Variants in BCL2 observed in about 807,000 individuals in gnomAD.
BCL2 encodes the protein BCL2 apoptosis regulator.
A neutral mutation model predicts 14.2 loss-of-function variants in BCL2; 1 was observed. That is an observed-to-expected ratio of 0.07 (90% confidence interval 0.02 to 0.33). The LOEUF (loss-of-function observed/expected upper bound fraction) is 0.33, where lower values mean the gene tolerates loss of function less well. Among genes scored for constraint, BCL2 ranks in the 10% least tolerant of loss-of-function variants. The pLI is 0.99. For synonymous variants in BCL2, 151 were observed against 137.2 expected (o/e 1.10, Z -0.70); for missense variants, 247 against 305.9 (o/e 0.81, Z 1.44).
At position 63,199,250 on chromosome 18, in the gene BCL2, CACAG is replaced by C. The variant is rs528928858; in HGVS notation, c.586-70495_586-70492del. ...TACACAACACATGCACACAGAAACACACAGACAAATGCACACACACAACACACAC... is the reference window on the plus strand; with the variant it reads ...TACACAACACATGCACACAGAAACACACAAATGCACACACACAACACACAC... On this transcript the variant is annotated intron_variant, in intron 2 of 2. Transcript: ENST00000333681. 1.4e-4 allele frequency among the ~76,000 whole-genome samples: 21 copies of C among 148,812 alleles called. No individual in the cohort carries two copies. The South Asian group carries it at 2.4e-3, about 17-fold the overall frequency.
chr18:63,181,000 T>C (rs1391640186), intron 2 of BCL2, among the ~76,000 whole-genome samples: 1 of 152,154 alleles, frequency 6.6e-6, no homozygotes, highest in Admixed American at 6.5e-5. Flanking sequence ...TAAAAACAAA[T>C]ATTAATGTGG....
intron 2 of BCL2, among the ~76,000 whole-genome samples, chr18:63,150,651 T>C (rs1484429762): frequency 6.6e-6 from 1 of 152,190 alleles, no homozygotes; most frequent in Non-Finnish European, 1.5e-5. Context: ...AATTAGACTC[T>C]GCTCAGCCTT....
intron 2 of BCL2, among the ~76,000 whole-genome samples, chr18:63,295,987 C>A (rs1032430776): frequency 1.3e-5 from 2 of 152,150 alleles, no homozygotes; most frequent in Non-Finnish European, 2.9e-5. Flanking sequence ...CTCACCCTGA[C>A]CCTGCCCTTC....
At chr18:63,203,139 C>A (rs770653029) in intron 2 of BCL2, among the ~76,000 whole-genome samples, 3 of 152,304 alleles carry the variant, frequency 2.0e-5, no homozygotes, top group African/African-American at 4.8e-5. Flanking sequence ...TTGCCAGGAC[C>A]AAGCCCCTTA....
chr18:63,237,172 G>A (rs772738898), intron 2 of BCL2, among the ~76,000 whole-genome samples: 1 of 152,104 alleles, frequency 6.6e-6, no homozygotes, highest in South Asian at 2.1e-4. Flanking sequence ...CCCGGGGACT[G>A]TGGTATGGAG....
At chr18:63,209,228 T>C (rs1213950475) in intron 2 of BCL2, among the ~76,000 whole-genome samples, 2 of 152,166 alleles carry the variant, frequency 1.3e-5, no homozygotes, top group Non-Finnish European at 2.9e-5. Context: ...AGTGTGTGAA[T>C]TGATCGAGGG....
chr18:63,150,619 A>G (rs1200966312), intron 2 of BCL2, among the ~76,000 whole-genome samples: 2 of 152,114 alleles, frequency 1.3e-5, no homozygotes, highest in African/African-American at 2.4e-5. Flanking sequence ...TCCGTGTCCC[A>G]TGAACATGCC....
intron 2 of BCL2, among the ~76,000 whole-genome samples, chr18:63,145,095 G>A (rs996331295): frequency 3.3e-5 from 5 of 152,200 alleles, no homozygotes; most frequent in African/African-American, 1.2e-4. Context: ...CTGCTTCACA[G>A]GGAATTCTAG....
At chr18:63,142,622 G>C (rs931949492) in intron 2 of BCL2, among the ~76,000 whole-genome samples, 1 of 152,194 alleles carries the variant, frequency 6.6e-6, no homozygotes. Context: ...GACCGTCAAA[G>C]TGACTGCGAT....
intron 2 of BCL2, among the ~76,000 whole-genome samples, chr18:63,216,992 G>A (rs375126377): frequency 6.6e-6 from 1 of 152,196 alleles, no homozygotes; most frequent in Non-Finnish European, 1.5e-5. Flanking sequence ...GAAGGCGGCA[G>A]CAGGAGGCTT....
At chr18:63,226,632 T>C (rs1046608886) in intron 2 of BCL2, among the ~76,000 whole-genome samples, 3 of 152,170 alleles carry the variant, frequency 2.0e-5, no homozygotes, top group African/African-American at 7.2e-5. Context: ...ACATGCTGTA[T>C]GATTGGATTT....
At chr18:63,205,522 C>A (rs1909812617) in intron 2 of BCL2, among the ~76,000 whole-genome samples, 1 of 152,220 alleles carries the variant, frequency 6.6e-6, no homozygotes, top group Admixed American at 6.5e-5. Context: ...ATCCTCCACA[C>A]ACCATCTTTC....
At chr18:63,139,371 T>TA (rs1159498451) in intron 2 of BCL2, among the ~76,000 whole-genome samples, 16 of 152,270 alleles carry the variant, frequency 1.1e-4, no homozygotes, top group Admixed American at 8.5e-4. Context: ...GCCGTATCTA[T>TA]ATGACCTTGA....
At chr18:63,140,246 C>T (rs1411838586) in intron 2 of BCL2, among the ~76,000 whole-genome samples, 2 of 152,172 alleles carry the variant, frequency 1.3e-5, no homozygotes, top group African/African-American at 2.4e-5. Flanking sequence ...TTGCTGATTC[C>T]TCAAAGAGTT....
intron 2 of BCL2, among the ~76,000 whole-genome samples, chr18:63,250,776 T>A (rs1303097989): frequency 3.3e-5 from 5 of 152,214 alleles, no homozygotes; most frequent in African/African-American, 1.2e-4. Context: ...TAAAATATTT[T>A]AAAAACAACA....
At chr18:63,238,936 G>A (rs1261860733) in intron 2 of BCL2, among the ~76,000 whole-genome samples, 1 of 152,184 alleles carries the variant, frequency 6.6e-6, no homozygotes, top group Non-Finnish European at 1.5e-5. Context: ...GTGCTTCTTG[G>A]TAACGAGAGA....
intron 2 of BCL2, among the ~76,000 whole-genome samples, chr18:63,133,707 T>C (rs1470487371): frequency 1.3e-5 from 2 of 152,186 alleles, no homozygotes; most frequent in African/African-American, 4.8e-5. Flanking sequence ...CGGTTGGGGA[T>C]ATGGGCGGGG....
chr18:63,202,273 C>T (rs1909716171), intron 2 of BCL2, among the ~76,000 whole-genome samples: 1 of 152,192 alleles, frequency 6.6e-6, no homozygotes, highest in Non-Finnish European at 1.5e-5. Context: ...CGGGCCACTG[C>T]ACTCCAGCCT....
At chr18:63,163,428 A>T (rs957285809) in intron 2 of BCL2, among the ~76,000 whole-genome samples, 5 of 151,830 alleles carry the variant, frequency 3.3e-5, no homozygotes, top group African/African-American at 4.8e-5. Context: ...CACATATTTC[A>T]CTCCTATTGG....
Sources: allele counts gnomAD v4.1 joint callset (sites outside exome capture counted in the v4.1 genomes callset), GRCh38; gene constraint gnomAD v4.1.1; transcripts MANE v1.5; gene names NCBI Gene and HGNC (gene_info 2026-07-23, HGNC 2026-07-21).